The following CHST9 variants were observed in gnomAD, a reference collection of about 807,000 sequenced individuals.
CHST9 encodes carbohydrate sulfotransferase 9.
Under a neutral mutation model 44.4 loss-of-function variants are expected in CHST9, and 41 were observed. That is an observed-to-expected ratio of 0.92 (90% CI 0.72 to 1.20). CHST9 has a LOEUF of 1.20. Among genes scored for constraint, CHST9 ranks in the 50% most tolerant of loss-of-function variants. The pLI is 0.00. For synonymous variants in CHST9, 171 were observed against 178.4 expected (o/e 0.96, Z 0.33); for missense variants, 504 against 516.5 (o/e 0.98, Z 0.23).
chr18:26,992,535 T>C (rs1182540011), intron 4 of CHST9, among the ~76,000 whole-genome samples: 1 of 152,218 alleles, frequency 6.6e-6, no homozygotes, highest in Non-Finnish European at 1.5e-5. Context: ...TTCAAAGGTA[T>C]ACTTCAATCA....
At chr18:27,013,466 G>A (rs530034996) in intron 4 of CHST9, among the ~76,000 whole-genome samples, 1 of 152,212 alleles carries the variant, frequency 6.6e-6, no homozygotes, top group South Asian at 2.1e-4. Context: ...AAACAAGAAA[G>A]CCAAAGCTTG....
intron 2 of CHST9, among the ~76,000 whole-genome samples, chr18:27,079,174 G>A (rs921914188): frequency 4.6e-5 from 7 of 152,158 alleles, no homozygotes; most frequent in Non-Finnish European, 1.0e-4. Context: ...TTTACTAAAA[G>A]GGATTATGGA....
At chr18:27,104,556 A>G (rs984987521) in intron 2 of CHST9, among the ~76,000 whole-genome samples, 13 of 152,332 alleles carry the variant, frequency 8.5e-5, no homozygotes, top group Non-Finnish European at 7.4e-5. Flanking sequence ...CAACATGCCA[A>G]TAAGATAGTC....
At chr18:26,954,797 G>T (rs928292694) in intron 4 of CHST9, among the ~76,000 whole-genome samples, 2 of 151,986 alleles carry the variant, frequency 1.3e-5, no homozygotes, top group African/African-American at 2.4e-5. Flanking sequence ...TTGCAGGTCT[G>T]GTTACTTTTT....
chr18:26,986,987 AT>A (rs1198539314), intron 4 of CHST9, among the ~76,000 whole-genome samples: 3 of 152,244 alleles, frequency 2.0e-5, no homozygotes, highest in Non-Finnish European at 2.9e-5. Flanking sequence ...AAGCAACAGG[AT>A]TATTAGCCAT....
chr18:26,994,080 T>C (rs1432897836), intron 4 of CHST9, among the ~76,000 whole-genome samples: 2 of 152,216 alleles, frequency 1.3e-5, no homozygotes, highest in Non-Finnish European at 2.9e-5. Flanking sequence ...TCAGAATGGA[T>C]GAAGGCCCAC....
chr18:26,967,731 G>A lies in CHST9; in HGVS notation c.203-23365C>T, dbSNP rs145695424. ...GGATGCAAAGTATTGTTGTTCCTGGGTGTGTCTGTGAGGTGTTGCCAAAGG... is the reference window on the plus strand; with the variant it reads ...GGATGCAAAGTATTGTTGTTCCTGGATGTGTCTGTGAGGTGTTGCCAAAGG... On this transcript the variant is annotated intron_variant, in intron 4 of 5. Transcript: ENST00000618847. 4.1e-3 allele frequency among the ~76,000 whole-genome samples: 632 copies of A among 152,316 alleles called. 10 individuals carry two copies. The highest frequency in any genetic ancestry group is 0.025 in the Admixed American group (379 of 15,292).
At chr18:27,025,247 A>C (rs1056133166) in intron 3 of CHST9, among the ~76,000 whole-genome samples, 28 of 150,564 alleles carry the variant, frequency 1.9e-4, no homozygotes, top group South Asian at 4.2e-4. Context: ...TGCTCTCTGC[A>C]TGCCTTTTAA....
At chr18:27,091,895 G>T (rs1185757119) in intron 2 of CHST9, among the ~76,000 whole-genome samples, 1 of 152,150 alleles carries the variant, frequency 6.6e-6, no homozygotes, top group African/African-American at 2.4e-5. Flanking sequence ...AGGGATATTG[G>T]TCTGAAATTC....
chr18:26,921,628 T>A (rs2055656002), intron 5 of CHST9, among the ~76,000 whole-genome samples: 1 of 152,172 alleles, frequency 6.6e-6, no homozygotes, highest in South Asian at 2.1e-4. Context: ...ACTAAAATCA[T>A]AGCTAATGAC....
At chr18:27,092,419 G>T (rs981983584) in intron 2 of CHST9, among the ~76,000 whole-genome samples, 14 of 148,436 alleles carry the variant, frequency 9.4e-5, no homozygotes, top group African/African-American at 2.0e-4. Flanking sequence ...GTTTTTTTTT[G>T]AAGAGTTGTT....
intron 4 of CHST9, among the ~76,000 whole-genome samples, chr18:26,953,442 A>C (rs1024854354): frequency 6.6e-6 from 1 of 152,092 alleles, no homozygotes; most frequent in African/African-American, 2.4e-5. Flanking sequence ...GTGGGTTATA[A>C]AGGAACATTA....
At chr18:26,950,469 C>G (rs140554069) in intron 4 of CHST9, among the ~76,000 whole-genome samples, 3 of 152,122 alleles carry the variant, frequency 2.0e-5, no homozygotes, top group Admixed American at 6.6e-5. Flanking sequence ...GTAGAACCAA[C>G]CTAAATGCCC....
chr18:27,175,063 T>C (rs1304827019), intron 1 of CHST9, among the ~76,000 whole-genome samples: 1 of 152,114 alleles, frequency 6.6e-6, no homozygotes, highest in Non-Finnish European at 1.5e-5. Flanking sequence ...TAAGTGCCCA[T>C]CAGTATGATA....
chr18:27,027,581 A>G (rs772868476), intron 3 of CHST9, among the ~76,000 whole-genome samples: 1 of 152,230 alleles, frequency 6.6e-6, no homozygotes, highest in Non-Finnish European at 1.5e-5. Flanking sequence ...AATAACCACA[A>G]TAACAGCTAA....
intron 4 of CHST9, among the ~76,000 whole-genome samples, chr18:26,994,673 T>C (rs1268293896): frequency 2.0e-5 from 3 of 152,160 alleles, no homozygotes; most frequent in Non-Finnish European, 2.9e-5. Context: ...CACTGCAACC[T>C]CTGCCTCCTG....
At chr18:26,969,155 T>A (rs1299905994) in intron 4 of CHST9, among the ~76,000 whole-genome samples, 1 of 151,976 alleles carries the variant, frequency 6.6e-6, no homozygotes, top group South Asian at 2.1e-4. Context: ...CCCGCCACCG[T>A]GCCTGGCTAA....
chr18:27,174,102 G>C (rs2058851072), intron 1 of CHST9, among the ~76,000 whole-genome samples: 1 of 151,978 alleles, frequency 6.6e-6, no homozygotes, highest in Admixed American at 6.6e-5. Context: ...ATGTAATACT[G>C]TTATATGAGC....
chr18:27,009,337 T>C (rs1234839482), intron 4 of CHST9, among the ~76,000 whole-genome samples: 1 of 152,156 alleles, frequency 6.6e-6, no homozygotes, highest in African/African-American at 2.4e-5. Context: ...AAAGAACTCT[T>C]TCCTAGGAGG....
Sources: gnomAD v4.1 joint callset for allele counts (sites outside exome capture counted in the v4.1 genomes callset) on GRCh38, gnomAD v4.1.1 for gene constraint, MANE v1.5 for transcripts, NCBI Gene and HGNC (gene_info 2026-07-23, HGNC 2026-07-21) for gene names.